PHF20: variants seen among roughly 807,000 people sequenced by gnomAD.
The protein encoded by PHF20 is glioma-expressed antigen 2.
Under a neutral mutation model 113.5 loss-of-function variants are expected in PHF20, and 23 were observed. That is an observed-to-expected ratio of 0.20 (90% CI 0.15 to 0.29). The LOEUF is 0.29. PHF20 is among the 10% of genes least tolerant of loss of function. PHF20 has a pLI of 1.00. For synonymous variants in PHF20, 434 were observed against 457.3 expected (o/e 0.95, Z 0.65); for missense variants, 943 against 1,219.6 (o/e 0.77, Z 3.38).
intron 10 of PHF20, among the ~76,000 whole-genome samples, chr20:35,906,465 G>A (rs1191348413): frequency 7.0e-6 from 1 of 142,592 alleles, no homozygotes. Flanking sequence ...GGCTCTAAAG[G>A]TCCCTGGGCC....
At chr20:35,875,126 GGT>G (rs1178592654) in intron 9 of PHF20, among the ~76,000 whole-genome samples, 1 of 151,716 alleles carries the variant, frequency 6.6e-6, no homozygotes, top group East Asian at 1.9e-4. Flanking sequence ...GGCCAGGGGT[GGT>G]GGCTCACGCC....
At chr20:35,810,721 C>G (rs978256889) in intron 2 of PHF20, among the ~76,000 whole-genome samples, 3 of 152,054 alleles carry the variant, frequency 2.0e-5, no homozygotes, top group African/African-American at 7.2e-5. Flanking sequence ...ACTCCTAAAT[C>G]AAAAAACAAA....
chr20:35,886,948 A>G (rs1050192182), intron 9 of PHF20, among the ~76,000 whole-genome samples: 1 of 152,200 alleles, frequency 6.6e-6, no homozygotes, highest in Non-Finnish European at 1.5e-5. Context: ...TTTGGAAGCA[A>G]GATGCCACTA....
intron 2 of PHF20, among the ~76,000 whole-genome samples, chr20:35,816,236 T>C (rs1445157114): frequency 6.6e-6 from 1 of 152,088 alleles, no homozygotes; most frequent in Admixed American, 6.6e-5. Flanking sequence ...ATTACAGGCG[T>C]GAGCCACTGC....
intron 12 of PHF20, 104 bp downstream of exon 12, chr20:35,914,301 CA>C (rs1260511975): frequency 6.4e-6 from 7 of 1,092,650 alleles, no homozygotes; most frequent in Non-Finnish European, 9.3e-6. Flanking sequence ...TACAATAAAA[CA>C]AATAAAGCTA....
intron 16 of PHF20, among the ~76,000 whole-genome samples, chr20:35,939,645 T>C (rs1447313983): frequency 1.3e-5 from 2 of 152,216 alleles, no homozygotes; most frequent in Non-Finnish European, 2.9e-5. Flanking sequence ...GTTATTCAAG[T>C]CATTCTCTTC....
chr20:35,891,291 C>T (rs533370624), intron 9 of PHF20, among the ~76,000 whole-genome samples: 4 of 151,364 alleles, frequency 2.6e-5, no homozygotes, highest in South Asian at 4.2e-4. Context: ...GCAGAAGAAT[C>T]GCTTGAACCC....
In PHF20 at chr20:35,947,927, T is replaced by C. The variant is rs575699909; in HGVS notation, c.*300T>C. ...ACTTCACTTGAAATTGTGCCACTGA[T>C]GATAAACGGAATGAGAGCCAAAAAA... On this transcript the variant is annotated 3_prime_UTR_variant, in exon 18 of 18. Coordinates refer to ENST00000374012, the MANE Select transcript of PHF20 (RefSeq NM_016436.5). The C allele has an allele frequency of 5.2e-5, 14 of 266,726 alleles. No homozygotes were observed. The South Asian group carries it at 1.3e-3, about 26-fold the overall frequency. 16.5% of individuals were successfully genotyped at this position (266,726 alleles called of 1,614,324 possible).
chr20:35,900,656 GA>G (rs1230528267), intron 10 of PHF20, among the ~76,000 whole-genome samples: 3 of 152,012 alleles, frequency 2.0e-5, no homozygotes, highest in Non-Finnish European at 4.4e-5. Flanking sequence ...TTAACATGGT[GA>G]AACCCCGTCT....
rs4911184 is a variant in PHF20, at chr20:35,817,806, A to T, written c.83+16201A>T. Among the ~76,000 whole-genome samples, 917 of 152,002 alleles carry T rather than the reference A, an allele frequency of 6.0e-3. 41 individuals carry two copies. Among genetic ancestry groups the T allele is most frequent in the Admixed American group, 0.056 (851 of 15,232 alleles). On this transcript the variant is annotated intron_variant, in intron 2 of 17. Transcript: ENST00000374012. ...GTGATACCCTGTCTCAAAAAAATTT[A>T]AAAAATAAAATTATTTTTTGGCCAG...
At chr20:35,882,960 G>A (rs1352686593) in intron 9 of PHF20, among the ~76,000 whole-genome samples, 3 of 151,348 alleles carry the variant, frequency 2.0e-5, no homozygotes, top group South Asian at 2.1e-4. Flanking sequence ...CGTGGGAGGC[G>A]GAGGTTGCAG....
rs1354317510 is a variant in PHF20, at chr20:35,938,692, A to C, written c.2301-5A>C. 6.3e-7 allele frequency: 1 copy of C among 1,597,328 alleles called. No individual in the cohort carries two copies. The highest frequency in any genetic ancestry group is 1.3e-5 in the African/African-American group (1 of 74,356). ...AAGCCCATGTCCTCTTTGTCCTCTCAACAGAAGCCGGGAGCATCCTGATCT... is the reference window on the plus strand; with the variant it reads ...AAGCCCATGTCCTCTTTGTCCTCTCCACAGAAGCCGGGAGCATCCTGATCT... On this transcript the variant is annotated splice_polypyrimidine_tract_variant and splice_region_variant and intron_variant, in intron 15 of 17. Transcript: ENST00000374012.
intron 2 of PHF20, among the ~76,000 whole-genome samples, chr20:35,822,383 A>G (rs1260333650): frequency 1.3e-5 from 2 of 151,654 alleles, no homozygotes; most frequent in Admixed American, 1.3e-4. Flanking sequence ...GTGCTGCTAT[A>G]CTGTATGATT....
chr20:35,929,629 A>C (rs1468066399), intron 14 of PHF20, among the ~76,000 whole-genome samples: 2 of 152,252 alleles, frequency 1.3e-5, no homozygotes, highest in African/African-American at 2.4e-5. Flanking sequence ...CCTTTTAAAA[A>C]TCTTTTTTTC....
At chr20:35,841,336 C>G (rs895600739) in intron 2 of PHF20, among the ~76,000 whole-genome samples, 5 of 151,972 alleles carry the variant, frequency 3.3e-5, no homozygotes, top group Non-Finnish European at 5.9e-5. Flanking sequence ...GAGTGAGACC[C>G]TGTCTCAATC....
intron 5 of PHF20, 67 bp downstream of exon 5, chr20:35,858,448 T>G: frequency 1.2e-6 from 1 of 824,754 alleles, no homozygotes; most frequent in Non-Finnish European, 2.0e-6. Context: ...TTTCCTCAAA[T>G]AAAGACATTA....
chr20:35,855,061 GAAAGT>G (rs1295755211), intron 4 of PHF20, among the ~76,000 whole-genome samples: 2 of 152,178 alleles, frequency 1.3e-5, no homozygotes, highest in Admixed American at 6.5e-5. Context: ...TAAAATAGTT[GAAAGT>G]AGAGTCTTGG....
At chr20:35,838,824 C>CAA (rs11443640) in intron 2 of PHF20, among the ~76,000 whole-genome samples, 230 of 142,408 alleles carry the variant, frequency 1.6e-3, no homozygotes, top group South Asian at 4.5e-3. Context: ...TCCACCTCTA[C>CAA]AAAAAAAAAA....
chr20:35,855,832 C>T (rs189809797), intron 4 of PHF20, among the ~76,000 whole-genome samples: 1 of 152,122 alleles, frequency 6.6e-6, no homozygotes, highest in Non-Finnish European at 1.5e-5. Context: ...CACCACCATA[C>T]CTGGCTAATG....
Sources: gnomAD v4.1 joint callset for allele counts (sites outside exome capture counted in the v4.1 genomes callset) on GRCh38, gnomAD v4.1.1 for gene constraint, MANE v1.5 for transcripts, NCBI Gene and HGNC (gene_info 2026-07-23, HGNC 2026-07-21) for gene names.